NCKAP5: variants seen among roughly 807,000 people sequenced by gnomAD.
The protein encoded by NCKAP5 is nck-associated protein 5.
Under a neutral mutation model 167.0 loss-of-function variants are expected in NCKAP5, and 92 were observed. That is an observed-to-expected ratio of 0.55 (90% CI 0.47 to 0.66). The LOEUF (loss-of-function observed/expected upper bound fraction) is 0.66, where lower values mean the gene tolerates loss of function less well. Ranked by LOEUF, NCKAP5 falls within the 30% of genes least tolerant of loss-of-function variation. The pLI, the probability that NCKAP5 is intolerant of heterozygous loss-of-function variation, is 0.00. For missense variants in NCKAP5, 2,378 were observed against 2,315.0 expected (o/e 1.03, Z -0.56); for synonymous variants, 891 against 877.4 (o/e 1.02, Z -0.27).
At chr2:132,971,519 T>C (rs1176209387) in intron 7 of NCKAP5, among the ~76,000 whole-genome samples, 2 of 152,210 alleles carry the variant, frequency 1.3e-5, no homozygotes, top group African/African-American at 2.4e-5. Flanking sequence ...ACAGTCAGAT[T>C]TGAGTTCTGA....
At chr2:133,572,031 C>T (rs1473565217), upstream of NCKAP5, among the ~76,000 whole-genome samples, 3 of 151,532 alleles carry the variant, frequency 2.0e-5, no homozygotes, top group Admixed American at 6.6e-5. Flanking sequence ...ACACTATTAT[C>T]TTCACTCACC....
At chr2:132,853,082 G>A (rs1689197536) in intron 11 of NCKAP5, among the ~76,000 whole-genome samples, 1 of 152,134 alleles carries the variant, frequency 6.6e-6, no homozygotes, top group Non-Finnish European at 1.5e-5. Context: ...GCAGCATAGT[G>A]CCCAGGTGTT....
rs550268378 is a variant in NCKAP5 at position 133,091,642 on chromosome 2, C to T, written c.341+38336G>A. ...GTGGCTCCCGCCTGTAATCCCAGCA[C>T]TTTGGGAGGCCGAGGTGGGCAGACC... On this transcript the variant is annotated intron_variant, in intron 6 of 19. Transcript: ENST00000409261. Among the ~76,000 whole-genome samples, 50 of 152,296 alleles carry T rather than the reference C, an allele frequency of 3.3e-4. 1 individual carries two copies. In the South Asian group the frequency reaches 6.4e-3, roughly 20 times the overall value.
At chr2:133,248,989 C>T (rs1225494494) in intron 4 of NCKAP5, among the ~76,000 whole-genome samples, 1 of 152,146 alleles carries the variant, frequency 6.6e-6, no homozygotes, top group Non-Finnish European at 1.5e-5. Flanking sequence ...TCTTGCTCAG[C>T]GTCTGCCAGA....
At chr2:132,926,724 T>C (rs1319963114) in intron 8 of NCKAP5, among the ~76,000 whole-genome samples, 3 of 152,206 alleles carry the variant, frequency 2.0e-5, no homozygotes, top group African/African-American at 7.2e-5. Context: ...AATGGGGTTA[T>C]TTGTGGATTT....
At chr2:132,909,120 G>C (rs554455127) in intron 8 of NCKAP5, among the ~76,000 whole-genome samples, 2 of 152,324 alleles carry the variant, frequency 1.3e-5, no homozygotes, top group Middle Eastern at 6.8e-3. Context: ...GCCAAAGCAG[G>C]AGGACCACTT....
intron 3 of NCKAP5, among the ~76,000 whole-genome samples, chr2:133,413,423 G>C (rs776557679): frequency 2.0e-5 from 3 of 152,138 alleles, no homozygotes; most frequent in Admixed American, 1.3e-4. Context: ...GGCCTGTACA[G>C]AGTTTAAAAG....
At chr2:133,320,012 C>T (rs902927986) in intron 3 of NCKAP5, among the ~76,000 whole-genome samples, 9 of 152,122 alleles carry the variant, frequency 5.9e-5, no homozygotes, top group East Asian at 1.9e-4. Context: ...TTATTCATTC[C>T]GGTCAAACGA....
chr2:133,474,558 T>C (rs1679708629), intron 3 of NCKAP5, among the ~76,000 whole-genome samples: 1 of 152,198 alleles, frequency 6.6e-6, no homozygotes, highest in Non-Finnish European at 1.5e-5. Flanking sequence ...TTTTAAGTGT[T>C]CTCATATTAA....
intron 11 of NCKAP5, among the ~76,000 whole-genome samples, chr2:132,853,000 T>C (rs1159099105): frequency 6.6e-6 from 1 of 152,228 alleles, no homozygotes; most frequent in Non-Finnish European, 1.5e-5. Flanking sequence ...ACCAAGGACA[T>C]AGTGCTCAAT....
chr2:133,493,977 G>C (rs1273920137), intron 3 of NCKAP5, among the ~76,000 whole-genome samples: 1 of 152,178 alleles, frequency 6.6e-6, no homozygotes, highest in Non-Finnish European at 1.5e-5. Flanking sequence ...AGACTTTCTT[G>C]CTTGTCCAAG....
intron 3 of NCKAP5, among the ~76,000 whole-genome samples, chr2:133,403,431 T>C (rs993342626): frequency 1.3e-5 from 2 of 152,200 alleles, no homozygotes; most frequent in Non-Finnish European, 2.9e-5. Context: ...TAATTTCTTA[T>C]AGGTTTTACT....
intron 19 of NCKAP5, among the ~76,000 whole-genome samples, chr2:132,690,578 A>G (rs747444028): frequency 6.6e-6 from 1 of 152,160 alleles, no homozygotes; most frequent in Non-Finnish European, 1.5e-5. Context: ...TGGTTTCTTT[A>G]TATGTTGTTT....
intron 6 of NCKAP5, among the ~76,000 whole-genome samples, chr2:133,066,815 TCTA>T (rs1482148882): frequency 1.3e-5 from 2 of 152,150 alleles, no homozygotes; most frequent in African/African-American, 4.8e-5. Context: ...AAAGCTAACT[TCTA>T]CCACAAGTGA....
At chr2:133,475,985 A>C (rs1003632280) in intron 3 of NCKAP5, among the ~76,000 whole-genome samples, 1 of 152,194 alleles carries the variant, frequency 6.6e-6, no homozygotes, top group Non-Finnish European at 1.5e-5. Context: ...CAGCAAGAAC[A>C]AAAAATCAGT....
chr2:132,916,330 G>A (rs1694874793), intron 8 of NCKAP5, among the ~76,000 whole-genome samples: 1 of 152,018 alleles, frequency 6.6e-6, no homozygotes, highest in Non-Finnish European at 1.5e-5. Context: ...GGGACTCAGA[G>A]AACCTTACTT....
chr2:132,843,164 A>G (rs1688415750), intron 11 of NCKAP5, among the ~76,000 whole-genome samples: 1 of 152,192 alleles, frequency 6.6e-6, no homozygotes, highest in South Asian at 2.1e-4. Flanking sequence ...AGTACAATGA[A>G]TATACCTTAT....
chr2:133,658,052 C>G, the NCKAP5 span, among the ~76,000 whole-genome samples: 1 of 152,146 alleles, frequency 6.6e-6, no homozygotes, highest in African/African-American at 2.4e-5. Flanking sequence ...ATCTATGACT[C>G]GGCTCATAGC....
At chr2:133,020,806 G>T (rs2078500007) in intron 6 of NCKAP5, among the ~76,000 whole-genome samples, 1 of 152,148 alleles carries the variant, frequency 6.6e-6, no homozygotes. Flanking sequence ...ACAACACAAG[G>T]TAAAATCTAA....
Sources: gnomAD v4.1 joint callset for allele counts (sites outside exome capture counted in the v4.1 genomes callset) on GRCh38, gnomAD v4.1.1 for gene constraint, MANE v1.5 for transcripts, NCBI Gene and HGNC (gene_info 2026-07-23, HGNC 2026-07-21) for gene names.